The following CPM variants were observed in gnomAD, a reference collection of about 807,000 sequenced individuals.
CPM encodes the protein renal carboxypeptidase.
A neutral mutation model predicts 46.4 loss-of-function variants in CPM; 35 were observed. That is an observed-to-expected ratio of 0.75 (90% CI 0.58 to 1.00). The LOEUF is 1.00. CPM is among the 50% of genes least tolerant of loss of function. The probability of loss-of-function intolerance (pLI) is 0.00; values close to 1 mark genes in which losing one functional copy is unlikely to be tolerated. For missense variants in CPM, 422 were observed against 530.4 expected (o/e 0.80, Z 2.01); for synonymous variants, 195 against 195.3 (o/e 1.00, Z 0.01).
At chr12:68,941,824 G>T (rs1433605912) in intron 1 of CPM, among the ~76,000 whole-genome samples, 1 of 152,146 alleles carries the variant, frequency 6.6e-6, no homozygotes, top group Non-Finnish European at 1.5e-5. Context: ...CCCCAACTCA[G>T]ATCAGTACCC....
Position 68,866,897 on chromosome 12 carries a change from T to A in CPM, c.939A>T (p.Leu313=). ...SLIEYIKQVH[L]GVKGQVFDQN... ...AATTAATAAGAAAATTTTACAAACC[T>A]AGGTGCACCTGCTTTATATATTCAA... Residue 313 remains leucine (L), a splice_region_variant and synonymous_variant, in exon 7 of 9, where the codon CTA becomes CTT. Coordinates refer to ENST00000551568, the MANE Select transcript of CPM (RefSeq NM_198320.5). 1 of 1,611,374 alleles carries A rather than the reference T, an allele frequency of 6.2e-7. No individual in the cohort carries two copies. The highest frequency in any genetic ancestry group is 8.5e-7 in the Non-Finnish European group (1 of 1,179,042).
chr12:68,867,840 G>A (rs1472414187), intron 6 of CPM, among the ~76,000 whole-genome samples: 3 of 152,194 alleles, frequency 2.0e-5, no homozygotes, highest in Non-Finnish European at 4.4e-5. Flanking sequence ...CAAAGGGTTT[G>A]TTTTAAATAG....
intron 2 of CPM, among the ~76,000 whole-genome samples, chr12:68,890,626 C>A (rs1886616644): frequency 6.6e-6 from 1 of 152,388 alleles, no homozygotes; most frequent in Non-Finnish European, 1.5e-5. Flanking sequence ...CAACCCCACT[C>A]TGGGGAAAAA....
chr12:68,937,075 A>G (rs2136328313), upstream of CPM, among the ~76,000 whole-genome samples: 1 of 152,354 alleles, frequency 6.6e-6, no homozygotes, highest in East Asian at 1.9e-4. Context: ...AGGAAATGAC[A>G]TTTATGCTGT....
chr12:68,944,710 G>GT (rs1433869387), intron 1 of CPM, among the ~76,000 whole-genome samples: 21 of 106,632 alleles, frequency 2.0e-4, no homozygotes, highest in Admixed American at 5.5e-4. Flanking sequence ...CCTTCACCTT[G>GT]TTTTTTGTTT....
chr12:68,897,997 C>G (rs1172051460), intron 2 of CPM, among the ~76,000 whole-genome samples: 1 of 151,442 alleles, frequency 6.6e-6, no homozygotes, highest in Non-Finnish European at 1.5e-5. Flanking sequence ...GCATGGACCA[C>G]TACGCCTGGC....
At chr12:68,899,798 T>C (rs1296479873) in intron 2 of CPM, among the ~76,000 whole-genome samples, 1 of 152,214 alleles carries the variant, frequency 6.6e-6, no homozygotes, top group Admixed American at 6.5e-5. Context: ...GAGTTATTAT[T>C]TTTAGTTTAA....
At chr12:68,924,630 C>T (rs1230532743) in intron 2 of CPM, among the ~76,000 whole-genome samples, 1 of 152,096 alleles carries the variant, frequency 6.6e-6, no homozygotes, top group Non-Finnish European at 1.5e-5. Context: ...AAATCACAAA[C>T]ATGTATATTA....
intron 1 of CPM, among the ~76,000 whole-genome samples, chr12:68,949,292 G>A (rs142279781): frequency 2.0e-5 from 3 of 152,192 alleles, no homozygotes; most frequent in African/African-American, 7.2e-5. Flanking sequence ...GATCGCTTGA[G>A]CCCGGGAGGT....
intron 2 of CPM, among the ~76,000 whole-genome samples, chr12:68,931,763 A>AAGAAAGAAAG (rs1888514928): frequency 7.5e-6 from 1 of 132,506 alleles, no homozygotes; most frequent in Non-Finnish European, 1.6e-5. Flanking sequence ...AAAAAAAAAA[A>AAGAAAGAAAG]AAAGAAAGAA....
At chr12:68,909,341 C>T (rs1017674466) in intron 2 of CPM, among the ~76,000 whole-genome samples, 5 of 152,146 alleles carry the variant, frequency 3.3e-5, no homozygotes, top group African/African-American at 1.2e-4. Flanking sequence ...GTGTGTACCA[C>T]CATGCTCAGT....
At chr12:68,918,702 C>T (rs1887914240) in intron 2 of CPM, among the ~76,000 whole-genome samples, 2 of 152,024 alleles carry the variant, frequency 1.3e-5, no homozygotes, top group South Asian at 4.2e-4. Flanking sequence ...AAACAGATTT[C>T]CAATCCTTTC....
chr12:68,891,084 G>A (rs974575972), intron 2 of CPM, among the ~76,000 whole-genome samples: 2 of 152,220 alleles, frequency 1.3e-5, no homozygotes, highest in Admixed American at 6.5e-5. Context: ...TTTCTTCCAC[G>A]TAAGTGGGAA....
chr12:68,962,529 A>G (rs1267582412), intron 1 of CPM, among the ~76,000 whole-genome samples: 1 of 152,158 alleles, frequency 6.6e-6, no homozygotes, highest in Non-Finnish European at 1.5e-5. Flanking sequence ...ACCTAAAAAT[A>G]TTATCAAACT....
chr12:68,844,277 CTG>C (rs918465435), intron 5 of CPM: 1 of 218,970 alleles, frequency 4.6e-6, no homozygotes, highest in African/African-American at 2.2e-5. Flanking sequence ...AGGCACAAGT[CTG>C]AATGTGTTTC....
At chr12:68,867,746 A>G (rs1410082027) in intron 6 of CPM, among the ~76,000 whole-genome samples, 1 of 152,162 alleles carries the variant, frequency 6.6e-6, no homozygotes. Context: ...TGCCTCTCAG[A>G]GGTGAACGGC....
intron 2 of CPM, among the ~76,000 whole-genome samples, chr12:68,900,513 A>G (rs1005775847): frequency 2.6e-5 from 4 of 152,230 alleles, no homozygotes; most frequent in Admixed American, 2.0e-4. Context: ...CATATGATCC[A>G]GCAAACAAGC....
At chr12:68,945,777 G>A (rs1323197424) in intron 1 of CPM, among the ~76,000 whole-genome samples, 1 of 150,876 alleles carries the variant, frequency 6.6e-6, no homozygotes, top group Non-Finnish European at 1.5e-5. Context: ...CCAATCAGAT[G>A]TGAGTCATTA....
chr12:68,946,536 A>G (rs1888850785), intron 1 of CPM, among the ~76,000 whole-genome samples: 2 of 152,226 alleles, frequency 1.3e-5, no homozygotes, highest in South Asian at 4.1e-4. Flanking sequence ...CCTATCAGAA[A>G]GGGACATTTT....
Sources: gnomAD v4.1 joint callset for allele counts (sites outside exome capture counted in the v4.1 genomes callset) on GRCh38, gnomAD v4.1.1 for gene constraint, MANE v1.5 for transcripts, NCBI Gene and HGNC (gene_info 2026-07-23, HGNC 2026-07-21) for gene names.